The following KIAA0040 variants were observed in gnomAD, a reference collection of about 807,000 sequenced individuals.
The protein encoded by KIAA0040 is KIAA0040.
KIAA0040 carries 10 observed loss-of-function variants against 7.2 expected under a neutral mutation model. The ratio of observed to expected loss-of-function variants is 1.38; its 90% CI spans 0.85 to 2.34. The LOEUF is 2.34. Among genes scored for constraint, KIAA0040 ranks in the 30% most tolerant of loss-of-function variants. KIAA0040 has a pLI of 0.00. For synonymous variants in KIAA0040, 49 were observed against 40.1 expected (o/e 1.22, Z -0.84); for missense variants, 89 against 108.2 (o/e 0.82, Z 0.79).
At chr1:175,167,120 G>A (rs973614552) in intron 2 of KIAA0040, among the ~76,000 whole-genome samples, 2 of 152,212 alleles carry the variant, frequency 1.3e-5, no homozygotes, top group Non-Finnish European at 2.9e-5. Context: ...GGGAAACAGG[G>A]AGGTTAGGAA....
chr1:175,175,480 G>T (rs1249621494), intron 2 of KIAA0040, among the ~76,000 whole-genome samples: 1 of 151,008 alleles, frequency 6.6e-6, no homozygotes, highest in East Asian at 1.9e-4. Context: ...ATTCCTCAGG[G>T]ATCTAGAACT....
At chr1:175,172,566 T>C (rs1677030359) in intron 2 of KIAA0040, among the ~76,000 whole-genome samples, 1 of 152,202 alleles carries the variant, frequency 6.6e-6, no homozygotes, top group Non-Finnish European at 1.5e-5. Flanking sequence ...GGTGAGACTT[T>C]GTCTCTAAAA....
At chr1:175,179,313 G>A (rs573618372) in intron 1 of KIAA0040, among the ~76,000 whole-genome samples, 27 of 152,184 alleles carry the variant, frequency 1.8e-4, no homozygotes, top group African/African-American at 6.5e-4. Context: ...TCTTTCAGTG[G>A]CCACATTCTT....
intron 3 of KIAA0040, among the ~76,000 whole-genome samples, 175 bp downstream of exon 3, chr1:175,166,387 G>A (rs966302759): frequency 6.6e-6 from 1 of 152,188 alleles, no homozygotes; most frequent in African/African-American, 2.4e-5. Flanking sequence ...TCGGGTCTAG[G>A]ATGGGCCCAG....
At position 175,160,217 on chromosome 1, in the gene KIAA0040, A is replaced by G. The variant is rs1676474806; in HGVS notation, c.*497T>C. ...GGCCTTGCTGGTTAGGAAATTGTAT[A>G]TATGTGTCTGAATCTGGCAAGGCTT... On this transcript the variant is annotated 3_prime_UTR_variant, in exon 4 of 4. Transcript: ENST00000423313. 6.3e-6 allele frequency: 1 copy of G among 158,180 alleles called. No individual in the cohort carries two copies. Among genetic ancestry groups the G allele is most frequent in the Admixed American group, 6.2e-5 (1 of 16,246 alleles). 9.8% of individuals were successfully genotyped at this position (158,180 alleles called of 1,614,324 possible).
chr1:175,175,040 A>T (rs1478175165), intron 2 of KIAA0040, among the ~76,000 whole-genome samples: 1 of 152,192 alleles, frequency 6.6e-6, no homozygotes, highest in African/African-American at 2.4e-5. Context: ...TCTGTGAGTT[A>T]GGAGCGGTTG....
intron 3 of KIAA0040, among the ~76,000 whole-genome samples, chr1:175,162,713 G>T (rs183820011): frequency 6.6e-6 from 1 of 152,208 alleles, no homozygotes; most frequent in Admixed American, 6.5e-5. Flanking sequence ...TGGATAGCAT[G>T]CTCTATCAAT....
At chr1:175,181,243 G>A (rs1253696402) in intron 1 of KIAA0040, among the ~76,000 whole-genome samples, 2 of 152,128 alleles carry the variant, frequency 1.3e-5, no homozygotes, top group Admixed American at 1.3e-4. Flanking sequence ...TGGGGGGCGG[G>A]GGGCTGGCTC....
chr1:175,175,930 C>T (rs182013589), intron 2 of KIAA0040, among the ~76,000 whole-genome samples: 610 of 152,210 alleles, frequency 4.0e-3, no homozygotes, highest in Non-Finnish European at 7.0e-3. Flanking sequence ...AATGTAATGA[C>T]GAGTTAATGG....
intron 1 of KIAA0040, among the ~76,000 whole-genome samples, chr1:175,192,159 G>C (rs1364878573): frequency 6.6e-6 from 1 of 152,130 alleles, no homozygotes; most frequent in Non-Finnish European, 1.5e-5. Context: ...GAAACTCTCA[G>C]AATAGCAAAC....
At chr1:175,186,486 A>G (rs1452473694) in intron 1 of KIAA0040, among the ~76,000 whole-genome samples, 1 of 152,224 alleles carries the variant, frequency 6.6e-6, no homozygotes, top group Non-Finnish European at 1.5e-5. Context: ...AGTCAGGAGC[A>G]TCCGAACTTC....
At chr1:175,176,509 C>G (rs1156738380) in intron 2 of KIAA0040, 1 of 152,082 alleles carries the variant, frequency 6.6e-6, no homozygotes. Flanking sequence ...GAGGATAAAC[C>G]TTTACTTCCT....
intron 1 of KIAA0040, among the ~76,000 whole-genome samples, chr1:175,188,327 G>C (rs1193116116): frequency 6.6e-6 from 1 of 152,182 alleles, no homozygotes. Flanking sequence ...TGTTCAGATG[G>C]CTCAGACTGA....
At chr1:175,184,146 T>C (rs1470543100) in intron 1 of KIAA0040, among the ~76,000 whole-genome samples, 1 of 151,986 alleles carries the variant, frequency 6.6e-6, no homozygotes, top group African/African-American at 2.4e-5. Context: ...CTGGAGAGAG[T>C]CTAGACCTTC....
chr1:175,160,610 G>T lies in KIAA0040; in HGVS notation c.*104C>A. On this transcript the variant is annotated 3_prime_UTR_variant, in exon 4 of 4. Transcript: ENST00000423313. ...TGTTCCTTGGTTGAGTAGTTACTCT[G>T]TGGACATGGACATAGTGCATTATTT... 2 of 1,130,368 alleles carry T rather than the reference G, an allele frequency of 1.8e-6. No individual in the cohort carries two copies. Among genetic ancestry groups the T allele is most frequent in the Non-Finnish European group, 2.4e-6 (2 of 816,532 alleles). 70.0% of individuals were successfully genotyped at this position (1,130,368 alleles called of 1,614,324 possible). A position where few individuals can be genotyped will look rare whatever the true frequency, so the allele number is the denominator to read the frequency against.
intron 1 of KIAA0040, among the ~76,000 whole-genome samples, chr1:175,188,157 A>C (rs1195234531): frequency 6.6e-6 from 1 of 152,182 alleles, no homozygotes; most frequent in Non-Finnish European, 1.5e-5. Context: ...CGTGGGAGCA[A>C]GTCTCTTCCC....
In KIAA0040 at chr1:175,170,325, T is replaced by G. The variant is rs956774661; in HGVS notation, c.-309-3588A>C. 2.0e-5 allele frequency among the ~76,000 whole-genome samples: 3 copies of G among 152,190 alleles called. No homozygotes were observed. In the East Asian group the frequency reaches 5.8e-4, roughly 29 times the overall value. On this transcript the variant is annotated intron_variant, in intron 2 of 3. Transcript: ENST00000423313. ...AAGGTGCCTTCCCCTTTATCCCCATTGTTACCTCATTTGTCCAGGCCTTCA... is the reference window on the plus strand; with the variant it reads ...AAGGTGCCTTCCCCTTTATCCCCATGGTTACCTCATTTGTCCAGGCCTTCA...
intron 1 of KIAA0040, among the ~76,000 whole-genome samples, chr1:175,188,795 C>A (rs924230730): frequency 2.6e-5 from 4 of 152,118 alleles, no homozygotes; most frequent in Non-Finnish European, 5.9e-5. Flanking sequence ...TACCTGCATC[C>A]CTTGAGGGTC....
Position 175,160,526 on chromosome 1 carries a change from C to T in KIAA0040, c.*188G>A, listed in dbSNP as rs1558386651. ...GACACATAGCTGCCAAGACAGTATC[C>T]AAGAATTGTCCACGTGGTCCCTGGG... On this transcript the variant is annotated 3_prime_UTR_variant, in exon 4 of 4. Transcript: ENST00000423313. 8.2e-6 allele frequency: 5 copies of T among 609,038 alleles called. No homozygotes were observed. Among genetic ancestry groups the T allele is most frequent in the Non-Finnish European group, 1.1e-5 (4 of 351,738 alleles). 37.7% of individuals were successfully genotyped at this position (609,038 alleles called of 1,614,324 possible).
Sources: allele counts gnomAD v4.1 joint callset (sites outside exome capture counted in the v4.1 genomes callset), GRCh38; gene constraint gnomAD v4.1.1; transcripts MANE v1.5; gene names NCBI Gene and HGNC (gene_info 2026-07-23, HGNC 2026-07-21).